Variants in MAP4K4 observed in about 807,000 individuals in gnomAD.
MAP4K4 encodes mitogen-activated protein kinase kinase kinase kinase 4, also known as HPK/GCK-like kinase HGK.
In MAP4K4, 38 loss-of-function variants were observed where a neutral mutation model predicts 189.6. That is an observed-to-expected ratio of 0.20 (90% CI 0.15 to 0.26). The LOEUF is 0.26. Among genes scored for constraint, MAP4K4 ranks in the 10% least tolerant of loss-of-function variants. MAP4K4 has a pLI of 1.00. For synonymous variants in MAP4K4, 610 were observed against 624.3 expected (o/e 0.98, Z 0.34); for missense variants, 1,054 against 1,726.9 (o/e 0.61, Z 6.91).
chr2:101,768,027 A>G (rs893753650), intron 2 of MAP4K4, among the ~76,000 whole-genome samples: 2 of 152,208 alleles, frequency 1.3e-5, no homozygotes, highest in Non-Finnish European at 2.9e-5. Flanking sequence ...ATTGAAACAC[A>G]GATTTTCTTT....
intron 2 of MAP4K4, among the ~76,000 whole-genome samples, chr2:101,780,411 A>G (rs1220246138): frequency 6.6e-6 from 1 of 152,230 alleles, no homozygotes; most frequent in Non-Finnish European, 1.5e-5. Context: ...TGAGGAATCA[A>G]GTGTACTGTG....
Position 101,835,969 on chromosome 2 carries a change from CA to C in MAP4K4, c.771del (p.Lys257AsnfsTer10), listed in dbSNP as rs774203808. Reference sequence around the variant, plus strand: ...AGAAACCCTCCTCCCCGGCTGAAGTCAAAAAAATGGTAAGCTATATATGGTT... The same window carrying C: ...AGAAACCCTCCTCCCCGGCTGAAGTCAAAAAATGGTAAGCTATATATGGTT... On this transcript the variant is annotated frameshift_variant, in exon 9 of 33. Transcript: ENST00000324219. LOFTEE classifies it high-confidence loss of function. 7.5e-6 allele frequency: 12 copies of C among 1,610,406 alleles called. No homozygotes were observed. Among genetic ancestry groups the C allele is most frequent in the East Asian group, 2.2e-5 (1 of 44,852 alleles).
chr2:101,807,065 GA>G (rs145025358), intron 3 of MAP4K4, among the ~76,000 whole-genome samples: 9,711 of 135,722 alleles, frequency 0.072, 426 homozygotes, highest in African/African-American at 0.13. Context: ...TCTTTTTTCT[GA>G]GACCAGTGTC....
intron 2 of MAP4K4, among the ~76,000 whole-genome samples, chr2:101,734,316 A>T (rs897146218): frequency 2.6e-5 from 4 of 152,210 alleles, no homozygotes; most frequent in Non-Finnish European, 5.9e-5. Flanking sequence ...GTAGAAGCTG[A>T]TTATGTGTAC....
chr2:101,799,085 A>G (rs2094111131), intron 3 of MAP4K4, among the ~76,000 whole-genome samples: 1 of 152,330 alleles, frequency 6.6e-6, no homozygotes, highest in Non-Finnish European at 1.5e-5. Flanking sequence ...TGAGGCCCAT[A>G]AATAATTTTC....
chr2:101,718,208 A>G (rs999305588), intron 2 of MAP4K4, among the ~76,000 whole-genome samples: 5 of 150,816 alleles, frequency 3.3e-5, no homozygotes, highest in Non-Finnish European at 7.4e-5. Context: ...GTGAGCCAAG[A>G]TCGCGCCATT....
At chr2:101,888,543 T>C (rs1375066234) in intron 31 of MAP4K4, among the ~76,000 whole-genome samples, 3 of 152,168 alleles carry the variant, frequency 2.0e-5, no homozygotes, top group Non-Finnish European at 1.5e-5. Flanking sequence ...GTGGGTAATT[T>C]TTCTAGATAG....
intron 2 of MAP4K4, among the ~76,000 whole-genome samples, chr2:101,764,994 G>C (rs2078000265): frequency 6.6e-6 from 1 of 152,152 alleles, no homozygotes; most frequent in Non-Finnish European, 1.5e-5. Context: ...ACCATTATCA[G>C]ATGGTCCAAA....
At chr2:101,793,860 G>A (rs945463730) in intron 3 of MAP4K4, among the ~76,000 whole-genome samples, 1 of 152,104 alleles carries the variant, frequency 6.6e-6, no homozygotes, top group African/African-American at 2.4e-5. Flanking sequence ...CACTTCACTT[G>A]CTTTACTTGA....
At chr2:101,751,454 A>G (rs1046140623) in intron 2 of MAP4K4, among the ~76,000 whole-genome samples, 1 of 152,176 alleles carries the variant, frequency 6.6e-6, no homozygotes, top group African/African-American at 2.4e-5. Context: ...TGGAGTCTCA[A>G]TGTCTCATCT....
chr2:101,869,631 G>A lies in MAP4K4; in HGVS notation c.2473G>A (p.Ala825Thr), dbSNP rs199996114. The change falls in exon 22 of 33, where the codon GCA becomes ACA. Residue 825 changes from alanine to threonine, a missense_variant. Physicochemically the swap from Ala to Thr is moderately conservative, Grantham distance 58. Coordinates refer to ENST00000324219, the Ensembl canonical transcript of MAP4K4. ...CTGTCCTTTGCTTTAGGATCTGACC[G>A]CACTGGCCAAAGAGCTTCGAGCAGT... 11 of 1,609,152 alleles carry A rather than the reference G, an allele frequency of 6.8e-6. No individual in the cohort carries two copies. The East Asian group carries it at 8.9e-5, about 13-fold the overall frequency.
Position 101,706,416 on chromosome 2 carries a change from G to C in MAP4K4, c.123+7878G>C, listed in dbSNP as rs530233989. ...CTATGTAAATACCATTTATATGTGA[G>C]CTAAACAGTCTCATACGATTACATT... On this transcript the variant is annotated intron_variant, in intron 2 of 32. Coordinates refer to ENST00000324219, the Ensembl canonical transcript of MAP4K4. Among the ~76,000 whole-genome samples, 3 of 152,238 alleles carry C rather than the reference G, an allele frequency of 2.0e-5. No individual in the cohort carries two copies. In the South Asian group the frequency reaches 6.2e-4, roughly 32 times the overall value.
chr2:101,876,938 C>G, intron 26 of MAP4K4, 65 bp from the exon 27 acceptor site: 1 of 1,542,822 alleles, frequency 6.5e-7, no homozygotes, highest in Non-Finnish European at 8.9e-7. Flanking sequence ...GTTATCCTTT[C>G]TATACAACCT....
intron 2 of MAP4K4, among the ~76,000 whole-genome samples, chr2:101,761,383 T>C (rs942242451): frequency 6.6e-6 from 1 of 152,090 alleles, no homozygotes; most frequent in African/African-American, 2.4e-5. Flanking sequence ...CAGTGAATTG[T>C]GTGAGGTTTT....
At chr2:101,751,879 GT>G (rs1468698083) in intron 2 of MAP4K4, among the ~76,000 whole-genome samples, 1 of 152,136 alleles carries the variant, frequency 6.6e-6, no homozygotes, top group Non-Finnish European at 1.5e-5. Context: ...CTTTTATACT[GT>G]TTTGTTTCAG....
Sources: allele counts gnomAD v4.1 joint callset (sites outside exome capture counted in the v4.1 genomes callset), GRCh38; gene constraint gnomAD v4.1.1; transcripts MANE v1.5; gene names NCBI Gene and HGNC (gene_info 2026-07-23, HGNC 2026-07-21).